Variants in AMBRA1 observed in about 807,000 individuals in gnomAD.
AMBRA1 encodes activating molecule in BECN1-regulated autophagy protein 1.
AMBRA1 carries 47 observed loss-of-function variants against 125.4 expected under a neutral mutation model. That is an observed-to-expected ratio of 0.37 (90% CI 0.30 to 0.48). The LOEUF (loss-of-function observed/expected upper bound fraction) is 0.48, where lower values mean the gene tolerates loss of function less well. AMBRA1 is among the 20% of genes least tolerant of loss of function. AMBRA1 has a pLI of 0.99. For synonymous variants in AMBRA1, 626 were observed against 655.5 expected, an observed-to-expected ratio of 0.95 and a Z score of 0.69; for missense variants, 1,331 against 1,693.4, an observed-to-expected ratio of 0.79 and a Z score of 3.76.
Position 46,593,931 on chromosome 11 carries a change from C to G in AMBRA1, c.-224G>C, listed in dbSNP as rs566322962. ...TAAAGGAAGGGGTCCGTTCTACCGA[C>G]CGGCAGGAGAAGGCGGCTTGAGCGC... On this transcript the variant is annotated 5_prime_UTR_variant, in exon 1 of 18. Coordinates refer to ENST00000683756, the MANE Select transcript of AMBRA1 (RefSeq NM_001387011.1). The G allele has an allele frequency of 2.5e-6, 1 of 398,536 alleles. No individual in the cohort carries two copies. The highest frequency in any genetic ancestry group is 3.6e-5 in the East Asian group (1 of 28,072). The allele number at this position is 398,536 out of a possible 1,614,324, so 24.7% of individuals were successfully genotyped here. A position where few individuals can be genotyped will look rare whatever the true frequency, so the allele number is the denominator to read the frequency against.
intron 1 of AMBRA1, among the ~76,000 whole-genome samples, chr11:46,560,973 CAT>C (rs2043315794): frequency 6.6e-6 from 1 of 152,166 alleles, no homozygotes; most frequent in South Asian, 2.1e-4. Flanking sequence ...GATTTCAAAT[CAT>C]AAAGGATCAC....
intron 11 of AMBRA1, among the ~76,000 whole-genome samples, chr11:46,490,687 T>C (rs559383363): frequency 6.6e-6 from 1 of 152,144 alleles, no homozygotes; most frequent in African/African-American, 2.4e-5. Flanking sequence ...GCTTCATCCC[T>C]GCAAAAAGCC....
At position 46,408,633 on chromosome 11, in the gene AMBRA1, G is replaced by T; in HGVS notation, c.3283C>A (p.Pro1095Thr). The stretch of plus-strand genomic sequence containing the variant: ...CCCTGAGATGTCACTGAGGTGGCAG[G>T]GTTCCGGGGCTGAAGCCCAATGGCA... ...MNAIGLQPRN[P>T]ATSVTSQGTQ... Residue 1095 changes from proline to threonine, a missense_variant, in exon 17 of 18, where the codon CCT becomes ACT. Coordinates refer to ENST00000683756, the MANE Select transcript of AMBRA1 (RefSeq NM_001387011.1). The T allele has an allele frequency of 6.2e-7, 1 of 1,608,804 alleles. No homozygotes were observed. The highest frequency in any genetic ancestry group is 8.5e-7 in the Non-Finnish European group (1 of 1,176,738).
chr11:46,441,833 C>T (rs1203645078), intron 12 of AMBRA1, among the ~76,000 whole-genome samples: 1 of 151,634 alleles, frequency 6.6e-6, no homozygotes, highest in East Asian at 1.9e-4. Context: ...AAAATGGCAG[C>T]TTAGTTTAAA....
intron 11 of AMBRA1, among the ~76,000 whole-genome samples, chr11:46,482,068 G>A (rs1266733117): frequency 6.6e-6 from 1 of 152,196 alleles, no homozygotes; most frequent in African/African-American, 2.4e-5. Flanking sequence ...GATGTTTCCA[G>A]CTTTGTGTTT....
chr11:46,435,635 C>A (rs1215412270), intron 12 of AMBRA1, among the ~76,000 whole-genome samples: 1 of 152,220 alleles, frequency 6.6e-6, no homozygotes, highest in Non-Finnish European at 1.5e-5. Flanking sequence ...GGAAACAGAA[C>A]AAAGCCCAGC....
At position 46,548,480 on chromosome 11, in the gene AMBRA1, G is replaced by C; in HGVS notation, c.-100C>G. 2 of 1,442,256 alleles carry C rather than the reference G, an allele frequency of 1.4e-6. No homozygotes were observed. The highest frequency in any genetic ancestry group is 1.9e-6 in the Non-Finnish European group (2 of 1,070,390). 89.3% of individuals were successfully genotyped at this position (1,442,256 alleles called of 1,614,324 possible). A position where few individuals can be genotyped will look rare whatever the true frequency, so the allele number is the denominator to read the frequency against. ...CTAAAATGAGGCCATACAGGTCCTT[G>C]TAAGTTGTCCTCATGGAAATCTTAA... is the stretch of plus-strand genomic sequence containing the variant. On this transcript the variant is annotated 5_prime_UTR_variant, in exon 2 of 18. It introduces an in-frame stop codon into an upstream open reading frame of the 5' UTR. Transcript: ENST00000683756.
At chr11:46,513,666 A>G (rs1214822144) in intron 7 of AMBRA1, among the ~76,000 whole-genome samples, 1 of 152,184 alleles carries the variant, frequency 6.6e-6, no homozygotes, top group African/African-American at 2.4e-5. Flanking sequence ...TCTATTTTGT[A>G]CTGCAAGACC....
chr11:46,425,310 TTGTGTGTGTGTGTGTG>T (rs34321655), intron 14 of AMBRA1, among the ~76,000 whole-genome samples: 375 of 135,590 alleles, frequency 2.8e-3, no homozygotes, highest in African/African-American at 0.01. Flanking sequence ...CTTGATCCAT[TTGTGTGTGTGTGTGTG>T]TGTGTGTGTG....
Position 46,494,160 on chromosome 11 carries a change from C to T in AMBRA1, c.2384G>A (p.Arg795Gln), listed in dbSNP as rs1421501772. Residue 795 changes from arginine to glutamine, a missense_variant, in exon 10 of 18, where the codon CGG becomes CAG. Coordinates refer to ENST00000683756, the MANE Select transcript of AMBRA1 (RefSeq NM_001387011.1). ...RSRHRAPRNARMSAPSLGRFV... is the reference protein window; with the variant it reads ...RSRHRAPRNAQMSAPSLGRFV... ...GCGTCCAAGCGAAGGTGCAGACATCCGGGCATTGCGTGGAGCTCGGTGCCT... is the reference window on the plus strand; with the variant it reads ...GCGTCCAAGCGAAGGTGCAGACATCTGGGCATTGCGTGGAGCTCGGTGCCT... 5 of 1,608,566 alleles carry T rather than the reference C, an allele frequency of 3.1e-6. No homozygotes were observed. The highest frequency in any genetic ancestry group is 4.2e-6 in the Non-Finnish European group (5 of 1,177,306).
intron 13 of AMBRA1, among the ~76,000 whole-genome samples, chr11:46,434,040 G>A (rs1336617151): frequency 1.3e-5 from 2 of 150,646 alleles, no homozygotes; most frequent in African/African-American, 2.4e-5. Flanking sequence ...GCTTGAACCC[G>A]GGAGGTAGAG....
Position 46,494,190 on chromosome 11 carries a change from C to G in AMBRA1, c.2354G>C (p.Arg785Thr). Reference sequence around the variant, plus strand: ...ATTGCGTGGAGCTCGGTGCCTGGATCTGTCACCATTGTCCCTGAAAAAAAT... The same window carrying G: ...ATTGCGTGGAGCTCGGTGCCTGGATGTGTCACCATTGTCCCTGAAAAAAAT... The part of the protein sequence containing the change: ...EFEDFEDNGD[R>T]SRHRAPRNAR... The change falls in exon 10 of 18, where the codon AGA becomes ACA. Residue 785 changes from arginine (R) to threonine (T), a missense_variant. Coordinates refer to ENST00000683756, the MANE Select transcript of AMBRA1 (RefSeq NM_001387011.1). 6.2e-7 allele frequency: 1 copy of G among 1,603,236 alleles called. No individual in the cohort carries two copies. The highest frequency in any genetic ancestry group is 8.5e-7 in the Non-Finnish European group (1 of 1,174,238).
chr11:46,493,801 C>G, intron 10 of AMBRA1, 93 bp from the exon 11 acceptor site: 1 of 897,348 alleles, frequency 1.1e-6, no homozygotes, highest in Non-Finnish European at 1.7e-6. Flanking sequence ...CTAAGGGACC[C>G]ACTGAATCCA....
At chr11:46,442,677 T>C (rs1014337141) in intron 12 of AMBRA1, among the ~76,000 whole-genome samples, 1 of 152,206 alleles carries the variant, frequency 6.6e-6, no homozygotes, top group African/African-American at 2.4e-5. Flanking sequence ...ACAGTCATGT[T>C]TGTAAATCAG....
chr11:46,544,095 G>T, intron 5 of AMBRA1, 54 bp from the exon 6 acceptor site: 2 of 1,418,196 alleles, frequency 1.4e-6, no homozygotes, highest in South Asian at 2.4e-5. Context: ...TATGTTAACT[G>T]AGAAGAGGAA....
intron 11 of AMBRA1, among the ~76,000 whole-genome samples, chr11:46,448,932 T>C (rs1181625815): frequency 1.3e-5 from 2 of 152,166 alleles, no homozygotes; most frequent in Admixed American, 6.5e-5. Flanking sequence ...ATCTATTAAA[T>C]TGAAGCAATC....
At chr11:46,415,590 A>C (rs959440513) in intron 15 of AMBRA1, among the ~76,000 whole-genome samples, 4 of 152,202 alleles carry the variant, frequency 2.6e-5, no homozygotes, top group Non-Finnish European at 5.9e-5. Context: ...AGTCATGTCC[A>C]TGTCCAATTT....
intron 7 of AMBRA1, among the ~76,000 whole-genome samples, chr11:46,532,378 T>G (rs908481666): frequency 6.6e-6 from 1 of 152,202 alleles, no homozygotes; most frequent in East Asian, 1.9e-4. Context: ...AGGAAGCTCC[T>G]GAAAACCCGT....
At chr11:46,440,481 C>T (rs1947950237) in intron 12 of AMBRA1, among the ~76,000 whole-genome samples, 1 of 152,136 alleles carries the variant, frequency 6.6e-6, no homozygotes, top group South Asian at 2.1e-4. Flanking sequence ...GATTTGGGGG[C>T]TTCTTACTGT....
Sources: allele counts gnomAD v4.1 joint callset (sites outside exome capture counted in the v4.1 genomes callset), GRCh38; gene constraint gnomAD v4.1.1; transcripts MANE v1.5; gene names NCBI Gene and HGNC (gene_info 2026-07-23, HGNC 2026-07-21).